CPQ: variants seen among roughly 807,000 people sequenced by gnomAD.
The protein encoded by CPQ is carboxypeptidase Q.
Under a neutral mutation model 45.7 loss-of-function variants are expected in CPQ, and 37 were observed. That is an observed-to-expected ratio of 0.81 (90% CI 0.62 to 1.07). The LOEUF is 1.07. CPQ is among the 50% of genes least tolerant of loss of function. The pLI is 0.00. For synonymous variants in CPQ, 186 were observed against 205.8 expected (o/e 0.90, Z 0.82); for missense variants, 537 against 572.9 (o/e 0.94, Z 0.64).
chr8:97,020,664 C>G (rs985534812), intron 5 of CPQ, among the ~76,000 whole-genome samples: 3 of 152,016 alleles, frequency 2.0e-5, no homozygotes, highest in African/African-American at 7.2e-5. Context: ...ACCTTCCTAG[C>G]TTAGATCGGA....
intron 1 of CPQ, among the ~76,000 whole-genome samples, chr8:96,666,163 G>A (rs867559525): frequency 6.6e-6 from 1 of 152,116 alleles, no homozygotes; most frequent in African/African-American, 2.4e-5. Context: ...TTAGCAAGAC[G>A]TCTGGTACCT....
At chr8:97,119,439 A>G (rs1481898693) in intron 7 of CPQ, among the ~76,000 whole-genome samples, 1 of 127,260 alleles carries the variant, frequency 7.9e-6, no homozygotes, top group Non-Finnish European at 1.6e-5. Flanking sequence ...TGTTTCTTAC[A>G]CTGTAAAAAA....
intron 4 of CPQ, among the ~76,000 whole-genome samples, chr8:96,906,096 G>A (rs1395921808): frequency 6.6e-6 from 1 of 152,140 alleles, no homozygotes; most frequent in Non-Finnish European, 1.5e-5. Context: ...GAGTCACCGG[G>A]TATGGAGGGG....
intron 4 of CPQ, among the ~76,000 whole-genome samples, chr8:96,890,688 C>T (rs1812361669): frequency 6.6e-6 from 1 of 152,200 alleles, no homozygotes; most frequent in South Asian, 2.1e-4. Context: ...GTAGGCAGAG[C>T]CCAAAGTGTC....
At chr8:96,879,421 A>G (rs1200269493) in intron 3 of CPQ, among the ~76,000 whole-genome samples, 1 of 152,176 alleles carries the variant, frequency 6.6e-6, no homozygotes, top group Non-Finnish European at 1.5e-5. Flanking sequence ...TATTCCAGAC[A>G]TGTGGATCTT....
chr8:96,829,557 T>C (rs1335020905), intron 2 of CPQ, among the ~76,000 whole-genome samples: 1 of 152,138 alleles, frequency 6.6e-6, no homozygotes, highest in Non-Finnish European at 1.5e-5. Context: ...GCAGGAATAC[T>C]CCTAATCACT....
In CPQ at chr8:96,658,235, C is replaced by G. The variant is rs1196728083; in HGVS notation, c.-35+12833C>G. On this transcript the variant is annotated intron_variant, in intron 1 of 7. Coordinates refer to ENST00000220763, the MANE Select transcript of CPQ (RefSeq NM_016134.4). Reference sequence around the variant, plus strand: ...ATGGAAATCAGCATTATTCTGACTTCATTTCATTGCCTACTCAGTCCAAAT... The same window carrying G: ...ATGGAAATCAGCATTATTCTGACTTGATTTCATTGCCTACTCAGTCCAAAT... Among the ~76,000 whole-genome samples, 3 of 152,310 alleles carry G rather than the reference C, an allele frequency of 2.0e-5. No homozygotes were observed. The East Asian group carries it at 5.8e-4, about 29-fold the overall frequency.
chr8:96,682,969 T>C (rs1016573490), intron 1 of CPQ, among the ~76,000 whole-genome samples: 10 of 152,308 alleles, frequency 6.6e-5, no homozygotes, highest in Middle Eastern at 3.4e-3. Context: ...TGAGGAAATA[T>C]TCCTGTCACT....
intron 3 of CPQ, among the ~76,000 whole-genome samples, chr8:96,874,224 T>C (rs1812117216): frequency 6.6e-6 from 1 of 151,854 alleles, no homozygotes; most frequent in African/African-American, 2.4e-5. Flanking sequence ...GAAGTATAAA[T>C]TTTTAATGAG....
At chr8:97,098,295 A>T (rs934434172) in intron 7 of CPQ, among the ~76,000 whole-genome samples, 18 of 152,170 alleles carry the variant, frequency 1.2e-4, no homozygotes, top group Non-Finnish European at 1.5e-5. Context: ...AATGATGCAC[A>T]AGACAGTCTC....
At chr8:96,703,753 A>G (rs1809498777) in intron 1 of CPQ, among the ~76,000 whole-genome samples, 1 of 152,154 alleles carries the variant, frequency 6.6e-6, no homozygotes, top group Non-Finnish European at 1.5e-5. Context: ...TGCTTTGATA[A>G]ACGAAGAGGT....
At chr8:96,892,899 C>T (rs1443266738) in intron 4 of CPQ, among the ~76,000 whole-genome samples, 1 of 152,056 alleles carries the variant, frequency 6.6e-6, no homozygotes, top group East Asian at 1.9e-4. Context: ...TTGCCTTTTT[C>T]AATGATGGAG....
At chr8:96,800,424 C>G (rs1304313457) in intron 2 of CPQ, among the ~76,000 whole-genome samples, 2 of 152,152 alleles carry the variant, frequency 1.3e-5, no homozygotes, top group Admixed American at 6.5e-5. Flanking sequence ...AGAACAATCT[C>G]TAGCCAAATT....
chr8:96,867,554 T>C (rs1271044995), intron 3 of CPQ, among the ~76,000 whole-genome samples: 1 of 151,998 alleles, frequency 6.6e-6, no homozygotes, highest in Non-Finnish European at 1.5e-5. Flanking sequence ...TTACTCCTTT[T>C]GCCAACTTGG....
At chr8:97,045,549 T>C (rs1163145404) in intron 6 of CPQ, among the ~76,000 whole-genome samples, 16 of 152,318 alleles carry the variant, frequency 1.1e-4, no homozygotes, top group Non-Finnish European at 1.9e-4. Flanking sequence ...GTACCTCAGA[T>C]GGAAATGCAG....
intron 2 of CPQ, among the ~76,000 whole-genome samples, chr8:96,798,530 G>A (rs147943158): frequency 2.6e-5 from 4 of 151,916 alleles, no homozygotes; most frequent in East Asian, 3.9e-4. Context: ...TTCCATGGCC[G>A]TAAGTACCAC....
chr8:96,887,123 C>T (rs1812315886), intron 4 of CPQ, among the ~76,000 whole-genome samples: 1 of 152,098 alleles, frequency 6.6e-6, no homozygotes, highest in Non-Finnish European at 1.5e-5. Flanking sequence ...CTTTTCACAC[C>T]CCTTCACCAA....
intron 5 of CPQ, among the ~76,000 whole-genome samples, chr8:96,967,962 C>A (rs1813598815): frequency 6.6e-6 from 1 of 152,220 alleles, no homozygotes; most frequent in South Asian, 2.1e-4. Flanking sequence ...CATGGGCTGG[C>A]CCAACCCAAG....
chr8:96,843,908 T>C (rs1811650804), intron 3 of CPQ, among the ~76,000 whole-genome samples: 1 of 152,222 alleles, frequency 6.6e-6, no homozygotes. Context: ...CTGCTATAAT[T>C]AATGGTCTGT....
Sources: gnomAD v4.1 joint callset for allele counts (sites outside exome capture counted in the v4.1 genomes callset) on GRCh38, gnomAD v4.1.1 for gene constraint, MANE v1.5 for transcripts, NCBI Gene and HGNC (gene_info 2026-07-23, HGNC 2026-07-21) for gene names.